The following SGCZ variants were observed in gnomAD, a reference collection of about 807,000 sequenced individuals.
The protein encoded by SGCZ is sarcoglycan zeta, also known as zeta-sarcoglycan.
SGCZ carries 40 observed loss-of-function variants against 41.3 expected under a neutral mutation model. That is an observed-to-expected ratio of 0.97 (90% confidence interval 0.75 to 1.26). The LOEUF is 1.26. Ranked by LOEUF, SGCZ falls within the 50% of genes most tolerant of loss-of-function variation. The pLI is 0.00. For synonymous variants in SGCZ, 206 were observed against 137.5 expected (o/e 1.50, Z -3.49); for missense variants, 552 against 369.8 (o/e 1.49, Z -4.04).
At chr8:14,450,539 G>A (rs1242923784) in intron 2 of SGCZ, among the ~76,000 whole-genome samples, 1 of 152,126 alleles carries the variant, frequency 6.6e-6, no homozygotes, top group Non-Finnish European at 1.5e-5. Context: ...TAATTTTAAA[G>A]TAGCTATAAT....
At chr8:14,237,482 C>G (rs568139906) in intron 4 of SGCZ, 110 bp downstream of exon 4, 4 of 895,900 alleles carry the variant, frequency 4.5e-6, no homozygotes, top group South Asian at 3.1e-5. Flanking sequence ...GACTCTGTCT[C>G]AAAACAACAA....
chr8:14,568,139 A>C (rs1804436172), intron 1 of SGCZ, among the ~76,000 whole-genome samples: 3 of 152,096 alleles, frequency 2.0e-5, no homozygotes, highest in Admixed American at 2.0e-4. Context: ...CAGGAACAGA[A>C]AACCAAACAC....
At chr8:14,479,102 A>G (rs1433027013) in intron 2 of SGCZ, among the ~76,000 whole-genome samples, 1 of 152,182 alleles carries the variant, frequency 6.6e-6, no homozygotes, top group African/African-American at 2.4e-5. Flanking sequence ...TCACAGGATC[A>G]CAGGGTGAAG....
chr8:15,113,394 T>C (rs185725537), intron 1 of SGCZ, among the ~76,000 whole-genome samples: 3 of 152,266 alleles, frequency 2.0e-5, no homozygotes, highest in Admixed American at 2.0e-4. Context: ...AGATTTTCTC[T>C]TACAAGTCCT....
intron 3 of SGCZ, among the ~76,000 whole-genome samples, chr8:14,286,888 A>G (rs1475477796): frequency 6.6e-6 from 1 of 152,058 alleles, no homozygotes; most frequent in Non-Finnish European, 1.5e-5. Flanking sequence ...ACAATGAGAA[A>G]GCTATCACTA....
chr8:14,458,226 T>A lies in SGCZ; in HGVS notation c.234+96506A>T, dbSNP rs540654591. ...AATAAAAAATTAAATACAAATATTTTAAAAAATGAAACTAGCTATATTACA... is the reference window on the plus strand; with the variant it reads ...AATAAAAAATTAAATACAAATATTTAAAAAAATGAAACTAGCTATATTACA... On this transcript the variant is annotated intron_variant, in intron 2 of 7. Coordinates refer to ENST00000382080, the MANE Select transcript of SGCZ (RefSeq NM_139167.4). 5.3e-5 allele frequency among the ~76,000 whole-genome samples: 8 copies of A among 152,236 alleles called. No homozygotes were observed. The South Asian group carries it at 1.4e-3, about 28-fold the overall frequency.
At chr8:14,899,208 G>T in intron 1 of SGCZ, among the ~76,000 whole-genome samples, 1 of 152,094 alleles carries the variant, frequency 6.6e-6, no homozygotes. Context: ...GTGGGTGAAA[G>T]TATTTTGTAA....
intron 2 of SGCZ, among the ~76,000 whole-genome samples, chr8:14,391,484 G>A (rs1050779149): frequency 2.0e-5 from 3 of 151,958 alleles, no homozygotes; most frequent in South Asian, 2.1e-4. Context: ...TTTGTATTCC[G>A]GCCCATAAGG....
At chr8:14,333,401 G>T (rs577068134) in intron 2 of SGCZ, among the ~76,000 whole-genome samples, 2 of 151,982 alleles carry the variant, frequency 1.3e-5, no homozygotes, top group Non-Finnish European at 2.9e-5. Flanking sequence ...TGTAAGTAGG[G>T]GGCTGAGGGA....
At chr8:15,223,955 A>G (rs1170544093) in intron 1 of SGCZ, among the ~76,000 whole-genome samples, 1 of 152,054 alleles carries the variant, frequency 6.6e-6, no homozygotes, top group Non-Finnish European at 1.5e-5. Context: ...CCTGGGTCCA[A>G]GTGATTCTCC....
At chr8:15,065,640 T>C (rs1383487874) in intron 1 of SGCZ, among the ~76,000 whole-genome samples, 1 of 151,762 alleles carries the variant, frequency 6.6e-6, no homozygotes, top group Non-Finnish European at 1.5e-5. Flanking sequence ...GGTTTTGCCA[T>C]TTTGCCCAGG....
intron 4 of SGCZ, among the ~76,000 whole-genome samples, chr8:14,223,927 C>G (rs530206847): frequency 6.6e-6 from 1 of 152,196 alleles, no homozygotes; most frequent in African/African-American, 2.4e-5. Context: ...TCACTTATCC[C>G]ATCTCAATCA....
At chr8:14,487,499 C>T (rs201425654) in intron 2 of SGCZ, among the ~76,000 whole-genome samples, 16 of 133,320 alleles carry the variant, frequency 1.2e-4, no homozygotes, top group Admixed American at 2.2e-4. Flanking sequence ...CTATACTGTT[C>T]CTTCCAGATT....
chr8:14,131,593 A>C (rs945695350), intron 5 of SGCZ, among the ~76,000 whole-genome samples: 1 of 152,126 alleles, frequency 6.6e-6, no homozygotes, highest in African/African-American at 2.4e-5. Context: ...AGCTTGATTA[A>C]AAAGTGTCTT....
intron 4 of SGCZ, among the ~76,000 whole-genome samples, chr8:14,175,052 C>T (rs1195691647): frequency 2.6e-5 from 4 of 152,094 alleles, no homozygotes; most frequent in African/African-American, 9.7e-5. Flanking sequence ...AGGATACATT[C>T]TGGTACTGAA....
chr8:14,109,740 G>A (rs971483540), intron 5 of SGCZ, among the ~76,000 whole-genome samples: 3 of 152,094 alleles, frequency 2.0e-5, no homozygotes, highest in Non-Finnish European at 2.9e-5. Context: ...TGACTCCTTT[G>A]CATAATATAG....
At chr8:14,502,213 A>T (rs1802175478) in intron 2 of SGCZ, among the ~76,000 whole-genome samples, 1 of 152,198 alleles carries the variant, frequency 6.6e-6, no homozygotes, top group South Asian at 2.1e-4. Flanking sequence ...GATTTCAAAT[A>T]ATTAAGCGGC....
rs1239120862 is a variant in SGCZ at position 14,318,197 on chromosome 8, G to A, written c.336+5906C>T. On this transcript the variant is annotated intron_variant, in intron 3 of 7. Transcript: ENST00000382080. ...AAAGAAAGAAACAAGGAAGAGGAAAGGCGGGAAAGGGGGGAAGAGAAAAGG... is the reference window on the plus strand; with the variant it reads ...AAAGAAAGAAACAAGGAAGAGGAAAAGCGGGAAAGGGGGGAAGAGAAAAGG... Among the ~76,000 whole-genome samples the A allele has an allele frequency of 9.2e-5, 14 of 151,634 alleles. No homozygotes were observed. In the Admixed American group the frequency reaches 9.2e-4, roughly 10 times the overall value.
intron 1 of SGCZ, among the ~76,000 whole-genome samples, chr8:14,892,653 A>T (rs1001974605): frequency 6.6e-6 from 1 of 152,196 alleles, no homozygotes; most frequent in African/African-American, 2.4e-5. Flanking sequence ...AAAAATAAGG[A>T]TTGTTTATAC....
Sources: gnomAD v4.1 joint callset for allele counts (sites outside exome capture counted in the v4.1 genomes callset) on GRCh38, gnomAD v4.1.1 for gene constraint, MANE v1.5 for transcripts, NCBI Gene and HGNC (gene_info 2026-07-23, HGNC 2026-07-21) for gene names.